Variants in PTH2R observed in about 807,000 individuals in gnomAD.
The protein encoded by PTH2R is parathyroid hormone 2 receptor.
Under a neutral mutation model 60.3 loss-of-function variants are expected in PTH2R, and 59 were observed. The ratio of observed to expected loss-of-function variants is 0.98; its 90% CI spans 0.79 to 1.22. The LOEUF (loss-of-function observed/expected upper bound fraction) is 1.22. Among genes scored for constraint, PTH2R ranks in the 50% most tolerant of loss-of-function variants. PTH2R has a pLI of 0.00. For synonymous variants in PTH2R, 256 were observed against 243.8 expected, an observed-to-expected ratio of 1.05 and a Z score of -0.47; for missense variants, 749 against 682.6, an observed-to-expected ratio of 1.10 and a Z score of -1.08.
intron 2 of PTH2R, among the ~76,000 whole-genome samples, chr2:208,428,866 C>T (rs1170153400): frequency 6.6e-6 from 1 of 152,170 alleles, no homozygotes; most frequent in Admixed American, 6.5e-5. Context: ...GGGCGGATCA[C>T]CTGAGGTCGG....
At chr2:208,379,872 A>AG (rs909270783) in intron 1 of PTH2R, among the ~76,000 whole-genome samples, 7 of 151,782 alleles carry the variant, frequency 4.6e-5, no homozygotes, top group African/African-American at 9.7e-5. Flanking sequence ...AAAAAAAAAA[A>AG]AGAGAGAGAG....
chr2:208,402,475 A>G (rs1343689243), upstream of PTH2R, among the ~76,000 whole-genome samples: 1 of 152,238 alleles, frequency 6.6e-6, no homozygotes, highest in Non-Finnish European at 1.5e-5. Context: ...TGCTAACAAA[A>G]TGTCATAGCT....
At chr2:208,418,808 A>G (rs1211694281) in intron 1 of PTH2R, among the ~76,000 whole-genome samples, 1 of 152,132 alleles carries the variant, frequency 6.6e-6, no homozygotes, top group Non-Finnish European at 1.5e-5. Flanking sequence ...TTCACAATAC[A>G]TCCTGGAAAT....
chr2:208,429,660 T>G (rs1356981993), intron 2 of PTH2R, among the ~76,000 whole-genome samples: 1 of 152,160 alleles, frequency 6.6e-6, no homozygotes, highest in African/African-American at 2.4e-5. Flanking sequence ...CCATTAAAAT[T>G]TTTTTCATTG....
intron 8 of PTH2R, among the ~76,000 whole-genome samples, chr2:208,454,497 A>T (rs760909237): frequency 6.6e-6 from 1 of 152,196 alleles, no homozygotes; most frequent in Non-Finnish European, 1.5e-5. Flanking sequence ...GCACACAGTG[A>T]GATGGAGGCT....
chr2:208,487,076 A>G (rs918525310), intron 10 of PTH2R, among the ~76,000 whole-genome samples: 6 of 152,234 alleles, frequency 3.9e-5, no homozygotes, highest in African/African-American at 1.4e-4. Flanking sequence ...GCATTTCAAT[A>G]TGATTTCAAC....
chr2:208,448,711 A>AT (rs1702340452), intron 7 of PTH2R, among the ~76,000 whole-genome samples: 1 of 150,636 alleles, frequency 6.6e-6, no homozygotes, highest in East Asian at 1.9e-4. Context: ...AAATTTACTT[A>AT]ATTTAACATT....
At chr2:208,486,323 A>C (rs1242187567) in intron 10 of PTH2R, among the ~76,000 whole-genome samples, 1 of 152,230 alleles carries the variant, frequency 6.6e-6, no homozygotes, top group Non-Finnish European at 1.5e-5. Context: ...TCCTAGAAAA[A>C]AAGGGAGAAA....
chr2:208,368,640 C>T (rs1452119230), intron 1 of PTH2R, among the ~76,000 whole-genome samples: 1 of 152,180 alleles, frequency 6.6e-6, no homozygotes, highest in Non-Finnish European at 1.5e-5. Flanking sequence ...TTAACATCTA[C>T]ATAATGCAGA....
At chr2:208,400,186 T>A (rs1701281896) in intron 1 of PTH2R, among the ~76,000 whole-genome samples, 1 of 152,268 alleles carries the variant, frequency 6.6e-6, no homozygotes, top group Non-Finnish European at 1.5e-5. Context: ...AGTGGTTATA[T>A]GTCCAGAGGC....
intron 10 of PTH2R, among the ~76,000 whole-genome samples, chr2:208,486,100 C>A (rs759760556): frequency 6.6e-6 from 1 of 152,162 alleles, no homozygotes; most frequent in Non-Finnish European, 1.5e-5. Context: ...AAGAATGCAG[C>A]CAACACTTTA....
chr2:208,404,669 A>C (rs552460759), upstream of PTH2R, among the ~76,000 whole-genome samples: 38 of 152,272 alleles, frequency 2.5e-4, no homozygotes, highest in Non-Finnish European at 3.1e-4. Context: ...AGAGAGAAAG[A>C]CACTTGCACA....
chr2:208,466,918 GTTTTTC>G (rs1299505674), intron 9 of PTH2R, among the ~76,000 whole-genome samples: 1 of 151,854 alleles, frequency 6.6e-6, no homozygotes, highest in Non-Finnish European at 1.5e-5. Flanking sequence ...GTTAATTTTT[GTTTTTC>G]TTGCCTGTGC....
At chr2:208,369,798 T>C (rs1398590474) in intron 1 of PTH2R, among the ~76,000 whole-genome samples, 1 of 152,122 alleles carries the variant, frequency 6.6e-6, no homozygotes, top group Non-Finnish European at 1.5e-5. Flanking sequence ...TGGGGTTCTT[T>C]TATATATAAA....
At chr2:208,469,789 G>C (rs972042331) in intron 9 of PTH2R, 1 of 152,196 alleles carries the variant, frequency 6.6e-6, no homozygotes, top group African/African-American at 2.4e-5. Flanking sequence ...ATTCTTCCCT[G>C]TAAGATCAAA....
intron 1 of PTH2R, among the ~76,000 whole-genome samples, chr2:208,417,544 T>C (rs1014458961): frequency 1.3e-5 from 1 of 76,278 alleles, no homozygotes; most frequent in African/African-American, 8.9e-5. Context: ...TGGGAATCTT[T>C]TTTTTTTTTT....
chr2:208,386,502 TTG>T lies in PTH2R; in HGVS notation c.-259+26274_-259+26275del. ...CACTGCAATCAGTCGATGTATGTGT[TTG>T]TGTGTGTGCGTGTGTGTGTGTGTGA... On this transcript the variant is annotated intron_variant, in intron 1 of 12. Transcript: ENST00000617735. Among the ~76,000 whole-genome samples, 3 of 152,144 alleles carry T rather than the reference TTG, an allele frequency of 2.0e-5. No individual in the cohort carries two copies. The South Asian group carries it at 6.2e-4, about 32-fold the overall frequency.
At chr2:208,414,903 T>G (rs530012421) in intron 1 of PTH2R, among the ~76,000 whole-genome samples, 84 of 150,780 alleles carry the variant, frequency 5.6e-4, no homozygotes, top group Non-Finnish European at 1.0e-3. Flanking sequence ...GAGAAAACCA[T>G]AAAAAAAAAC....
At chr2:208,407,851 T>C (rs1701449661) in intron 1 of PTH2R, among the ~76,000 whole-genome samples, 1 of 152,176 alleles carries the variant, frequency 6.6e-6, no homozygotes, top group Non-Finnish European at 1.5e-5. Flanking sequence ...TCAAGAGCCC[T>C]GTGAATTTAA....
Sources: allele counts gnomAD v4.1 joint callset (sites outside exome capture counted in the v4.1 genomes callset), GRCh38; gene constraint gnomAD v4.1.1; transcripts MANE v1.5; gene names NCBI Gene and HGNC (gene_info 2026-07-23, HGNC 2026-07-21).